The following PARD3 variants were observed in gnomAD, a reference collection of about 807,000 sequenced individuals.
PARD3 encodes par-3 family cell polarity regulator, also known as partitioning defective 3 homolog.
Under a neutral mutation model 155.4 loss-of-function variants are expected in PARD3, and 75 were observed. The observed-to-expected ratio is 0.48, with a 90% CI of 0.40 to 0.58. The LOEUF is 0.58. Ranked by LOEUF, PARD3 falls within the 20% of genes least tolerant of loss-of-function variation. PARD3 has a pLI of 0.00. For missense variants in PARD3, 1,642 were observed against 1,721.7 expected (o/e 0.95, Z 0.82); for synonymous variants, 576 against 610.5 (o/e 0.94, Z 0.83).
chr10:34,537,649 C>T (rs188574087), intron 2 of PARD3, among the ~76,000 whole-genome samples: 2 of 152,342 alleles, frequency 1.3e-5, no homozygotes, highest in Admixed American at 1.3e-4. Context: ...AAATCACTTT[C>T]ATACACCAGT....
intron 3 of PARD3, among the ~76,000 whole-genome samples, chr10:34,505,101 T>C (rs1589808841): frequency 6.6e-6 from 1 of 152,192 alleles, no homozygotes; most frequent in African/African-American, 2.4e-5. Context: ...CAACAAACAC[T>C]TTCAGGCAAT....
At chr10:34,304,975 T>G (rs766652941) in intron 20 of PARD3, among the ~76,000 whole-genome samples, 1 of 152,248 alleles carries the variant, frequency 6.6e-6, no homozygotes, top group Non-Finnish European at 1.5e-5. Context: ...GCCAGGAGAG[T>G]GGAAATTGAG....
Position 34,348,076 on chromosome 10 carries a change from T to C in PARD3, c.2107A>G (p.Ile703Val), listed in dbSNP as rs765263327. ...TCTCTATCATCCAACGCTGTTTCAATGGGCAGCTCAGGTCCAGGGGGGCTC... is the reference window on the plus strand; with the variant it reads ...TCTCTATCATCCAACGCTGTTTCAACGGGCAGCTCAGGTCCAGGGGGGCTC... ...PGSPPGPELP[I>V]ETALDDRERR... is the part of the protein sequence containing the mutation. Residue 703 changes from isoleucine (I) to valine (V), a missense_variant, in exon 15 of 25, where the codon ATT becomes GTT. Ile to Val is a conservative substitution (Grantham distance 29). Transcript: ENST00000374788. 5 of 1,612,526 alleles carry C rather than the reference T, an allele frequency of 3.1e-6. No individual in the cohort carries two copies. The highest frequency in any genetic ancestry group is 1.1e-5 in the South Asian group (1 of 90,548).
At chr10:34,572,162 T>C (rs1351413103) in intron 2 of PARD3, among the ~76,000 whole-genome samples, 1 of 152,134 alleles carries the variant, frequency 6.6e-6, no homozygotes, top group Non-Finnish European at 1.5e-5. Context: ...AAGATTTGTC[T>C]CACTAACAAA....
chr10:34,486,915 G>T (rs1461774566), intron 3 of PARD3, among the ~76,000 whole-genome samples: 2 of 151,840 alleles, frequency 1.3e-5, no homozygotes, highest in African/African-American at 4.8e-5. Context: ...CTTCATACTG[G>T]CAGTCACGGA....
chr10:34,746,399 T>C (rs11009914), intron 1 of PARD3, among the ~76,000 whole-genome samples: 32,735 of 151,836 alleles, frequency 0.22, 4,690 homozygotes, highest in East Asian at 0.54. Flanking sequence ...TAGTGAGGTA[T>C]GATCACCCAG....
At chr10:34,769,507 G>C (rs575960518) in intron 1 of PARD3, among the ~76,000 whole-genome samples, 1 of 151,758 alleles carries the variant, frequency 6.6e-6, no homozygotes, top group East Asian at 1.9e-4. Flanking sequence ...ATACCTCCCG[G>C]CACTTTGGGA....
chr10:34,522,708 T>C (rs899350885), intron 2 of PARD3, among the ~76,000 whole-genome samples: 56 of 152,150 alleles, frequency 3.7e-4, no homozygotes, highest in Admixed American at 5.9e-4. Flanking sequence ...AACATAGATA[T>C]GGCACAAAAT....
chr10:34,532,846 TAC>T (rs1198162583), intron 2 of PARD3, among the ~76,000 whole-genome samples: 1 of 152,194 alleles, frequency 6.6e-6, no homozygotes, highest in Non-Finnish European at 1.5e-5. Flanking sequence ...TACTTTATGA[TAC>T]AGTCATGTCA....
In PARD3 at chr10:34,736,564, C is replaced by T. The variant is rs1184183080; in HGVS notation, c.121-40145G>A. ...AAAAATAGATCACTTGAATCCGCAC[C>T]ACTGTCTGTGTTCATAAAGAAAGTG... On this transcript the variant is annotated intron_variant, in intron 1 of 24. Transcript: ENST00000374788. Among the ~76,000 whole-genome samples, 3 of 151,988 alleles carry T rather than the reference C, an allele frequency of 2.0e-5. No homozygotes were observed. In the East Asian group the frequency reaches 5.8e-4, roughly 29 times the overall value.
At chr10:34,405,357 C>T (rs1379938648) in intron 5 of PARD3, among the ~76,000 whole-genome samples, 1 of 152,106 alleles carries the variant, frequency 6.6e-6, no homozygotes, top group East Asian at 1.9e-4. Flanking sequence ...TATTCATACA[C>T]TGTGCCTTGC....
At chr10:34,751,035 G>A (rs1347629335) in intron 1 of PARD3, among the ~76,000 whole-genome samples, 1 of 152,082 alleles carries the variant, frequency 6.6e-6, no homozygotes, top group East Asian at 1.9e-4. Context: ...TGTATATTAG[G>A]AGTGGGAGGC....
In PARD3 at chr10:34,360,150, T is replaced by C; in HGVS notation, c.1817A>G (p.Lys606Arg). 2.5e-6 allele frequency: 4 copies of C among 1,614,160 alleles called. No individual in the cohort carries two copies. The highest frequency in any genetic ancestry group is 3.4e-6 in the Non-Finnish European group (4 of 1,179,982). ...GTGGTTCTCTTTTGACCGGTTACCT[T>C]TGACACTGACACCAAGGCCTGCAGA... is the stretch of plus-strand genomic sequence containing the variant. ...SGSAGLGVSVKGNRSKENHAD... is the reference protein window; with the variant it reads ...SGSAGLGVSVRGNRSKENHAD... Residue 606 changes from lysine to arginine, a missense_variant, in exon 13 of 25, where the codon AAA becomes AGA. Lys to Arg is a conservative substitution (Grantham distance 26). Transcript: ENST00000374788.
At chr10:34,317,408 A>T (rs912053477) in intron 19 of PARD3, 70 bp from the exon 20 acceptor site, 15 of 1,492,802 alleles carry the variant, frequency 1.0e-5, no homozygotes, top group Non-Finnish European at 1.3e-5. Context: ...GCTAAAATAC[A>T]TTCAAGGACT....
intron 3 of PARD3, among the ~76,000 whole-genome samples, chr10:34,492,705 G>T (rs2079997947): frequency 6.6e-6 from 1 of 152,124 alleles, no homozygotes; most frequent in Non-Finnish European, 1.5e-5. Flanking sequence ...CATTTACTTG[G>T]ATTAACAGAA....
At chr10:34,714,919 C>T (rs1282223466) in intron 1 of PARD3, among the ~76,000 whole-genome samples, 1 of 151,420 alleles carries the variant, frequency 6.6e-6, no homozygotes, top group Non-Finnish European at 1.5e-5. Context: ...GGACTATAGG[C>T]ACGCACCACC....
chr10:34,119,410 T>G (rs919213673), intron 24 of PARD3, among the ~76,000 whole-genome samples: 3 of 151,728 alleles, frequency 2.0e-5, no homozygotes, highest in Non-Finnish European at 4.4e-5. Flanking sequence ...TGGCATCTCC[T>G]GCAATGGGCA....
intron 22 of PARD3, among the ~76,000 whole-genome samples, chr10:34,231,080 C>T (rs368404173): frequency 2.6e-5 from 4 of 151,732 alleles, no homozygotes; most frequent in East Asian, 1.9e-4. Flanking sequence ...TATCCAAAAG[C>T]GGAGGTTCAT....
intron 22 of PARD3, among the ~76,000 whole-genome samples, chr10:34,171,950 CAAAAAAAAAAAA>C (rs71033303): frequency 7.6e-4 from 36 of 47,248 alleles, no homozygotes; most frequent in African/African-American, 3.0e-3. Flanking sequence ...GACTCCATCT[CAAAAAAAAAAAA>C]AAAAAAAAAA....
Sources: gnomAD v4.1 joint callset for allele counts (sites outside exome capture counted in the v4.1 genomes callset) on GRCh38, gnomAD v4.1.1 for gene constraint, MANE v1.5 for transcripts, NCBI Gene and HGNC (gene_info 2026-07-23, HGNC 2026-07-21) for gene names.